ZNF653: variants seen among roughly 807,000 people sequenced by gnomAD.
ZNF653 encodes the protein zinc finger protein 653, also known as 67 kDa zinc finger protein.
In ZNF653, 37 loss-of-function variants were observed where a neutral mutation model predicts 59.9. The ratio of observed to expected loss-of-function variants is 0.62; its 90% CI spans 0.48 to 0.81. ZNF653 has a LOEUF of 0.81. Among genes scored for constraint, ZNF653 ranks in the 40% least tolerant of loss-of-function variants. ZNF653 has a pLI of 0.00. For missense variants in ZNF653, 808 were observed against 881.1 expected (o/e 0.92, Z 1.05); for synonymous variants, 435 against 371.8 (o/e 1.17, Z -1.96).
chr19:11,505,183 A>G (rs1424959715), intron 1 of ZNF653: 3 of 324,086 alleles, frequency 9.3e-6, no homozygotes, highest in Non-Finnish European at 1.7e-5. Context: ...GTTAGTTACA[A>G]GGCCTGGAGG....
In ZNF653 at chr19:11,483,702, G is replaced by A. The variant is rs201563028; in HGVS notation, c.1828C>T (p.Pro610Ser). The A allele has an allele frequency of 6.2e-6, 10 of 1,613,156 alleles. No individual in the cohort carries two copies. Among genetic ancestry groups the A allele is most frequent in the East Asian group, 2.2e-5 (1 of 44,836 alleles). ...SVKFHTLKSH[P>S]DHKPT ...GTGGGTCAGGTGGGCTTGTGATCCG[G>A]GTGGCTTTTGAGCGTGTGGAACTTG... The change falls in exon 9 of 9, where the codon CCG (proline) becomes TCG (serine). Residue 610 changes from proline to serine, a missense_variant. Pro to Ser is a moderately conservative substitution (Grantham distance 74). Coordinates refer to ENST00000293771, the MANE Select transcript of ZNF653 (RefSeq NM_138783.4).
At chr19:11,494,373 A>ATAACG (rs1971561402) in intron 3 of ZNF653, among the ~76,000 whole-genome samples, 6 of 147,882 alleles carry the variant, frequency 4.1e-5, no homozygotes, top group Admixed American at 2.0e-4. Context: ...ATAACATAAC[A>ATAACG]TAACATAAAA....
chr19:11,501,215 G>A (rs1971640688), intron 1 of ZNF653, among the ~76,000 whole-genome samples: 1 of 146,524 alleles, frequency 6.8e-6, no homozygotes, highest in Non-Finnish European at 1.5e-5. Flanking sequence ...CTCTCGTGGT[G>A]TTGCCCCAGC....
intron 3 of ZNF653, among the ~76,000 whole-genome samples, chr19:11,489,354 C>T (rs1209014709): frequency 6.6e-6 from 1 of 152,158 alleles, no homozygotes; most frequent in Non-Finnish European, 1.5e-5. Flanking sequence ...TGCATGCAAC[C>T]ACACCTGGCT....
At chr19:11,488,599 CTTTTCT>C (rs946802450) in intron 3 of ZNF653, among the ~76,000 whole-genome samples, 8 of 131,234 alleles carry the variant, frequency 6.1e-5, no homozygotes, top group African/African-American at 3.0e-4. Context: ...TTTTTCTTTT[CTTTTCT>C]TTTTTTTTTT....
intron 3 of ZNF653, among the ~76,000 whole-genome samples, chr19:11,493,949 T>C (rs534692878): frequency 9.2e-5 from 14 of 151,814 alleles, no homozygotes; most frequent in East Asian, 1.9e-4. Flanking sequence ...AGCCCAGGAA[T>C]TGGAGGCTGA....
Position 11,496,057 on chromosome 19 carries a change from C to G in ZNF653, c.452G>C (p.Gly151Ala). The change falls in exon 3 of 9, where the codon GGC (glycine) becomes GCC (alanine). Residue 151 changes from glycine (G) to alanine (A), a missense_variant. By Grantham distance (60) the Gly-to-Ala change is moderately conservative. Coordinates refer to ENST00000293771, the MANE Select transcript of ZNF653 (RefSeq NM_138783.4). ...CTGCCACACGGCCGTGGTGTACAGG[C>G]CAAAAGTGGGGTCTAGCTCCGCCAG... The part of the protein sequence containing the change: ...PHLAELDPTF[G>A]LYTTAVWQCE... 2 of 1,614,164 alleles carry G rather than the reference C, an allele frequency of 1.2e-6. No homozygotes were observed. Among genetic ancestry groups the G allele is most frequent in the Non-Finnish European group, 1.7e-6 (2 of 1,180,028 alleles).
intron 7 of ZNF653, among the ~76,000 whole-genome samples, chr19:11,484,383 C>G (rs1184817672): frequency 6.6e-6 from 1 of 152,020 alleles, no homozygotes; most frequent in African/African-American, 2.4e-5. Context: ...CAACATGGGT[C>G]TGAATTTGTC....
chr19:11,504,606 G>C (rs1399723924), intron 1 of ZNF653: 19 of 977,556 alleles, frequency 1.9e-5, no homozygotes, highest in Non-Finnish European at 2.3e-5. Context: ...TTTGATTCTT[G>C]ACTCTCAGAA....
intron 5 of ZNF653, 22 bp downstream of exon 5, chr19:11,486,965 C>T (rs771663524): frequency 5.0e-6 from 8 of 1,612,462 alleles, no homozygotes; most frequent in East Asian, 2.2e-5. Context: ...TCGCCCTCAC[C>T]CTTGCCCGCC....
chr19:11,505,372 C>T, intron 1 of ZNF653, 116 bp downstream of exon 1: 1 of 1,150,246 alleles, frequency 8.7e-7, no homozygotes, highest in Non-Finnish European at 1.1e-6. Flanking sequence ...GGCCCGGCTC[C>T]TGGGCGGGGT....
In ZNF653 at chr19:11,495,352, A is replaced by C. The variant is rs959135104; in HGVS notation, c.559+598T>G. On this transcript the variant is annotated intron_variant, in intron 3 of 8. Coordinates refer to ENST00000293771, the MANE Select transcript of ZNF653 (RefSeq NM_138783.4). The surrounding 1 kb of genome is among the most constrained non-coding windows in gnomAD (Gnocchi z 4.9). ...AGAAGGAAACAAGAGAAAGAGAGAG[A>C]GGGAGATGAGACAGAAAATGAAAGA... 6.6e-6 allele frequency among the ~76,000 whole-genome samples: 1 copy of C among 152,058 alleles called. No individual in the cohort carries two copies. Among genetic ancestry groups the C allele is most frequent in the African/African-American group, 2.4e-5 (1 of 41,378 alleles).
Position 11,505,491 on chromosome 19 carries a change from T to C in ZNF653, c.296A>G (p.His99Arg), listed in dbSNP as rs1272799141. The C allele has an allele frequency of 1.3e-6, 2 of 1,485,236 alleles. No individual in the cohort carries two copies. Among genetic ancestry groups the C allele is most frequent in the Non-Finnish European group, 8.8e-7 (1 of 1,130,272 alleles). 92.0% of individuals were successfully genotyped at this position (1,485,236 alleles called of 1,614,324 possible). ...CCTCGGGGCCAGGCCCCCTCACCCG[T>C]GGCGGCCGCTCCGCTGGCCGCGCTC... ...SLERGQRSGR[H>R]GKPWEQVPKK... The change falls in exon 1 of 9, where the codon CAC becomes CGC. Residue 99 changes from histidine to arginine, a missense_variant. His to Arg is a conservative substitution (Grantham distance 29). Coordinates refer to ENST00000293771, the MANE Select transcript of ZNF653 (RefSeq NM_138783.4).
chr19:11,483,971 G>T, intron 8 of ZNF653, 71 bp downstream of exon 8: 1 of 1,528,334 alleles, frequency 6.5e-7, no homozygotes. Context: ...TTGGGGCGAA[G>T]CCGCCCCTGG....
intron 6 of ZNF653, among the ~76,000 whole-genome samples, chr19:11,486,523 T>C (rs933903253): frequency 3.9e-5 from 6 of 152,242 alleles, no homozygotes; most frequent in African/African-American, 1.4e-4. Flanking sequence ...AGAACAACCC[T>C]GGCTCCAGCT....
chr19:11,489,794 C>A (rs1971511165), intron 3 of ZNF653, among the ~76,000 whole-genome samples: 1 of 152,208 alleles, frequency 6.6e-6, no homozygotes, highest in Non-Finnish European at 1.5e-5. Context: ...TCTCTTAGCC[C>A]CCAGACCCAC....
chr19:11,505,271 G>A (rs1014543917), intron 1 of ZNF653: 1 of 483,372 alleles, frequency 2.1e-6, no homozygotes, highest in South Asian at 3.8e-5. Context: ...CGAGGGGCTG[G>A]GTGCACCCTA....
chr19:11,494,391 T>TAA lies in ZNF653; in HGVS notation c.559+1557_559+1558dup, dbSNP rs1478014023. Among the ~76,000 whole-genome samples the TAA allele has an allele frequency of 7.8e-3, 1,120 of 143,836 alleles. 6 individuals carry two copies. Among genetic ancestry groups the TAA allele is most frequent in the Middle Eastern group, 0.022 (6 of 270 alleles). 94.4% of individuals were successfully genotyped at this position (143,836 alleles called of 152,430 possible). Reference sequence around the variant, plus strand: ...ACATAACATAACATAAAACATAACATAACATAACATAACATAAGGCCGGGT... The same window carrying TAA: ...ACATAACATAACATAAAACATAACATAAAACATAACATAACATAAGGCCGGGT... On this transcript the variant is annotated intron_variant, in intron 3 of 8. Transcript: ENST00000293771.
chr19:11,505,264 G>A (rs1971699669), intron 1 of ZNF653: 2 of 469,130 alleles, frequency 4.3e-6, no homozygotes, highest in African/African-American at 4.1e-5. Flanking sequence ...GGCGGGTCGA[G>A]GGGCTGGGTG....
Sources: gnomAD v4.1 joint callset for allele counts (sites outside exome capture counted in the v4.1 genomes callset) on GRCh38, gnomAD v4.1.1 for gene constraint, Gnocchi (gnomAD v3.1) non-coding constraint, MANE v1.5 for transcripts, NCBI Gene and HGNC (gene_info 2026-07-23, HGNC 2026-07-21) for gene names.